The following ATIC variants were observed in gnomAD, a reference collection of about 807,000 sequenced individuals.
The protein encoded by ATIC is 5-aminoimidazole-4-carboxamide ribonucleotide formyltransferase/IMP cyclohydrolase.
Under a neutral mutation model 72.5 loss-of-function variants are expected in ATIC, and 64 were observed. That is an observed-to-expected ratio of 0.88 (90% CI 0.72 to 1.09). The LOEUF (loss-of-function observed/expected upper bound fraction) is 1.09. ATIC is among the 50% of genes least tolerant of loss of function. ATIC has a pLI of 0.00. For synonymous variants in ATIC, 281 were observed against 267.1 expected (o/e 1.05, Z -0.51); for missense variants, 787 against 732.4 (o/e 1.07, Z -0.86).
At position 215,319,741 on chromosome 2, in the gene ATIC, T is replaced by C. The variant is rs535039357; in HGVS notation, c.290+10T>C. ...ATTTCAATCTTATAAGGTAAAAACC[T>C]GAAATTAAACTTTTAACACATTACG... On this transcript the variant is annotated intron_variant, in intron 4 of 15. Coordinates refer to ENST00000236959, the MANE Select transcript of ATIC (RefSeq NM_004044.7). The C allele has an allele frequency of 1.3e-6, 2 of 1,597,516 alleles. No homozygotes were observed. The highest frequency in any genetic ancestry group is 1.7e-6 in the Non-Finnish European group (2 of 1,165,138).
intron 7 of ATIC, among the ~76,000 whole-genome samples, chr2:215,330,137 A>C (rs1021924119): frequency 2.0e-5 from 3 of 152,224 alleles, no homozygotes; most frequent in Admixed American, 2.0e-4. Flanking sequence ...TAAACCATCT[A>C]TGAGGAGTGG....
the ATIC span, chr2:215,368,016 A>T: frequency 6.2e-7 from 1 of 1,614,202 alleles, no homozygotes; most frequent in East Asian, 2.2e-5. Flanking sequence ...GGTTGGTTCA[A>T]GCCTTCGTTG....
At chr2:215,323,159 A>T (rs2052788095) in intron 4 of ATIC, among the ~76,000 whole-genome samples, 1 of 151,868 alleles carries the variant, frequency 6.6e-6, no homozygotes, top group Admixed American at 6.6e-5. Flanking sequence ...GTTCGCCAGG[A>T]TGGTCTCGAT....
chr2:215,349,495 T>C (rs2053110294), intron 15 of ATIC, 41 bp from the exon 16 acceptor site: 1 of 1,613,900 alleles, frequency 6.2e-7, no homozygotes, highest in African/African-American at 1.3e-5. Flanking sequence ...TGCAGGTTTT[T>C]ACATAAAATC....
At chr2:215,358,977 G>T in the ATIC span, among the ~76,000 whole-genome samples, 1 of 152,126 alleles carries the variant, frequency 6.6e-6, no homozygotes, top group Admixed American at 6.5e-5. Context: ...CCGCCTCCTG[G>T]GTTCAAACGA....
chr2:215,319,825 A>C, intron 4 of ATIC, 94 bp downstream of exon 4: 1 of 1,013,700 alleles, frequency 9.9e-7, no homozygotes, highest in Non-Finnish European at 1.5e-6. Context: ...CTCACTATAA[A>C]CCTTTACTGC....
At chr2:215,337,428 G>A (rs754829081) in intron 11 of ATIC, among the ~76,000 whole-genome samples, 1 of 152,072 alleles carries the variant, frequency 6.6e-6, no homozygotes, top group Non-Finnish European at 1.5e-5. Context: ...GTGCAGTGGT[G>A]TGATCTTGGC....
At chr2:215,317,425 A>AAC (rs1156296459) in intron 2 of ATIC, among the ~76,000 whole-genome samples, 12 of 152,330 alleles carry the variant, frequency 7.9e-5, no homozygotes, top group African/African-American at 2.9e-4. Context: ...TTCCAATAGC[A>AAC]ACACCACTTT....
chr2:215,359,971 C>T, the ATIC span, among the ~76,000 whole-genome samples: 4 of 152,102 alleles, frequency 2.6e-5, no homozygotes, highest in African/African-American at 7.2e-5. Flanking sequence ...TGGAGTCTTG[C>T]TCTGTCCCCC....
At chr2:215,336,835 C>T (rs1236189522) in intron 11 of ATIC, among the ~76,000 whole-genome samples, 1 of 152,168 alleles carries the variant, frequency 6.6e-6, no homozygotes, top group African/African-American at 2.4e-5. Flanking sequence ...ATTGATACTG[C>T]CCCTTTTAGA....
At position 215,312,592 on chromosome 2, in the gene ATIC, A is replaced by C; in HGVS notation, c.114A>C (p.Ala38=). The change falls in exon 2 of 16, where the codon GCA becomes GCC. Residue 38 remains alanine, a synonymous_variant. Transcript: ENST00000236959. ...ATCTGGTCGCTTCCGGAGGGACTGC[A>C]AAAGCTCTCAGGGATGCTGGTCTGG... ...GLNLVASGGT[A]KALRDAGLAV... 6.2e-7 allele frequency: 1 copy of C among 1,614,228 alleles called. No homozygotes were observed. The highest frequency in any genetic ancestry group is 1.3e-5 in the African/African-American group (1 of 75,058).
At chr2:215,367,779 C>T in the ATIC span, 2 of 1,392,754 alleles carry the variant, frequency 1.4e-6, no homozygotes, top group Middle Eastern at 1.8e-4. Flanking sequence ...CTGTGTCTTC[C>T]AAACATGCTT....
intron 2 of ATIC, 117 bp from the exon 3 acceptor site, chr2:215,318,040 A>AT: frequency 1.1e-6 from 1 of 911,134 alleles, no homozygotes; most frequent in Non-Finnish European, 1.8e-6. Flanking sequence ...AAAAATCAGA[A>AT]TTTTCACGTT....
At chr2:215,349,034 A>G in intron 14 of ATIC, 60 bp from the exon 15 acceptor site, 1 of 1,575,020 alleles carries the variant, frequency 6.3e-7, no homozygotes, top group Non-Finnish European at 8.7e-7. Flanking sequence ...GGTGATTTGC[A>G]CCACATAGAA....
At chr2:215,326,258 A>G (rs773256321) in intron 6 of ATIC, 120 bp downstream of exon 6, 2 of 1,277,634 alleles carry the variant, frequency 1.6e-6, no homozygotes, top group South Asian at 1.3e-5. Flanking sequence ...TGGAGCTGCT[A>G]TCCTTTTGTT....
At chr2:215,334,894 T>TA in intron 9 of ATIC, 25 bp from the exon 10 acceptor site, 1 of 1,575,286 alleles carries the variant, frequency 6.3e-7, no homozygotes, top group Non-Finnish European at 8.7e-7. Flanking sequence ...TTGTGATAAA[T>TA]ACCTCATTTT....
the ATIC span, among the ~76,000 whole-genome samples, chr2:215,357,399 C>G: frequency 6.6e-6 from 1 of 152,198 alleles, no homozygotes; most frequent in African/African-American, 2.4e-5. Context: ...ATGCTAGTTT[C>G]AATCCTTTGG....
At chr2:215,338,934 T>C (rs2052986807) in intron 12 of ATIC, 27 bp downstream of exon 12, 4 of 1,611,338 alleles carry the variant, frequency 2.5e-6, no homozygotes, top group Non-Finnish European at 2.5e-6. Context: ...CTGAACTGAC[T>C]GCTAGTAACT....
At chr2:215,367,022 T>G in the ATIC span, among the ~76,000 whole-genome samples, 2 of 152,212 alleles carry the variant, frequency 1.3e-5, no homozygotes, top group Non-Finnish European at 2.9e-5. Context: ...ACAAGTTAAG[T>G]AAAATACTTT....
Sources: gnomAD v4.1 joint callset for allele counts (sites outside exome capture counted in the v4.1 genomes callset) on GRCh38, gnomAD v4.1.1 for gene constraint, MANE v1.5 for transcripts, NCBI Gene and HGNC (gene_info 2026-07-23, HGNC 2026-07-21) for gene names.